Variants in ADAMTS18 observed in about 807,000 individuals in gnomAD.
ADAMTS18 encodes the protein ADAM metallopeptidase with thrombospondin type 1 motif 18, also known as A disintegrin and metalloproteinase with thrombospondin motifs 18.
A neutral mutation model predicts 165.9 loss-of-function variants in ADAMTS18; 157 were observed. The observed-to-expected ratio is 0.95, with a 90% CI of 0.83 to 1.08. The LOEUF is 1.08. ADAMTS18 is among the 50% of genes least tolerant of loss of function. ADAMTS18 has a pLI of 0.00. For missense variants in ADAMTS18, 2,040 were observed against 1,534.0 expected (o/e 1.33, Z -5.51); for synonymous variants, 782 against 578.2 (o/e 1.35, Z -5.06).
intron 9 of ADAMTS18, among the ~76,000 whole-genome samples, chr16:77,354,526 A>T (rs1454931493): frequency 2.0e-5 from 3 of 152,116 alleles, no homozygotes. Flanking sequence ...TTAGCACCTT[A>T]TCTCCACTTA....
chr16:77,365,749 T>A (rs2056784194), intron 4 of ADAMTS18, among the ~76,000 whole-genome samples: 1 of 152,212 alleles, frequency 6.6e-6, no homozygotes, highest in Admixed American at 6.5e-5. Flanking sequence ...AGAAATAGTT[T>A]AGTACTGTAA....
intron 2 of ADAMTS18, among the ~76,000 whole-genome samples, chr16:77,432,706 A>G (rs2057753002): frequency 6.6e-6 from 1 of 152,018 alleles, no homozygotes; most frequent in South Asian, 2.1e-4. Flanking sequence ...CAGTTACTGG[A>G]GGAGGAAAAG....
chr16:77,344,126 T>C (rs2056440012), intron 10 of ADAMTS18, among the ~76,000 whole-genome samples: 2 of 145,090 alleles, frequency 1.4e-5, no homozygotes, highest in African/African-American at 2.5e-5. Flanking sequence ...TATATGTATG[T>C]ATACATACAT....
chr16:77,322,213 C>CT, intron 14 of ADAMTS18, 123 bp downstream of exon 14: 5 of 919,914 alleles, frequency 5.4e-6, no homozygotes, highest in Non-Finnish European at 8.4e-6. Context: ...ACACTTTGCT[C>CT]TTTCGCTCCA....
chr16:77,288,221 G>GGTC (rs780353950), intron 22 of ADAMTS18, among the ~76,000 whole-genome samples: 5 of 152,010 alleles, frequency 3.3e-5, no homozygotes, highest in Non-Finnish European at 7.4e-5. Flanking sequence ...TTTCATAATT[G>GGTC]GTCATTGTCG....
intron 3 of ADAMTS18, among the ~76,000 whole-genome samples, chr16:77,372,424 C>T (rs2056889497): frequency 6.6e-6 from 1 of 152,136 alleles, no homozygotes; most frequent in Non-Finnish European, 1.5e-5. Flanking sequence ...GAATACTATC[C>T]AGCCATTAAG....
chr16:77,416,177 T>G lies in ADAMTS18; in HGVS notation c.495+15118A>C, dbSNP rs1047991947. Among the ~76,000 whole-genome samples the G allele has an allele frequency of 2.0e-5, 3 of 151,962 alleles. No individual in the cohort carries two copies. In the East Asian group the frequency reaches 5.8e-4, roughly 29 times the overall value. ...TTGCATAGGGAACTGAGGGAAGAAA[T>G]AATCAGATGGATACCTGGGGGAAGA... On this transcript the variant is annotated intron_variant, in intron 3 of 22. Coordinates refer to ENST00000282849, the MANE Select transcript of ADAMTS18 (RefSeq NM_199355.4).
At chr16:77,331,746 G>A (rs966724006) in intron 12 of ADAMTS18, among the ~76,000 whole-genome samples, 4 of 152,074 alleles carry the variant, frequency 2.6e-5, no homozygotes, top group African/African-American at 9.7e-5. Context: ...ACCATGTACA[G>A]GACAAATCTC....
chr16:77,290,880 G>A (rs1042955817), intron 21 of ADAMTS18: 1 of 264,454 alleles, frequency 3.8e-6, no homozygotes, highest in African/African-American at 2.2e-5. Flanking sequence ...ACATTGTTCA[G>A]AAACATGATG....
At chr16:77,315,997 C>T (rs944614974) in intron 16 of ADAMTS18, among the ~76,000 whole-genome samples, 1 of 152,150 alleles carries the variant, frequency 6.6e-6, no homozygotes, top group Admixed American at 6.5e-5. Context: ...TAAAACCATC[C>T]TCCAGATGCT....
At chr16:77,311,868 G>A (rs1279524800) in intron 16 of ADAMTS18, among the ~76,000 whole-genome samples, 5 of 152,116 alleles carry the variant, frequency 3.3e-5, no homozygotes, top group African/African-American at 1.2e-4. Flanking sequence ...TCTATTGGTA[G>A]AATGAGTGCA....
At chr16:77,309,514 G>T (rs2055741838) in intron 16 of ADAMTS18, among the ~76,000 whole-genome samples, 1 of 152,180 alleles carries the variant, frequency 6.6e-6, no homozygotes, top group South Asian at 2.1e-4. Flanking sequence ...ATGGATGTCT[G>T]TAATACAGAC....
chr16:77,406,480 CACT>C (rs1489815049), intron 3 of ADAMTS18, among the ~76,000 whole-genome samples: 1 of 151,906 alleles, frequency 6.6e-6, no homozygotes, highest in African/African-American at 2.4e-5. Flanking sequence ...AGGTCCTTGA[CACT>C]ACAATAAACA....
chr16:77,415,598 C>G (rs1308424593), intron 3 of ADAMTS18, among the ~76,000 whole-genome samples: 1 of 151,910 alleles, frequency 6.6e-6, no homozygotes, highest in Non-Finnish European at 1.5e-5. Flanking sequence ...GATGTTCTGA[C>G]TAGTCAGTAT....
intron 3 of ADAMTS18, among the ~76,000 whole-genome samples, chr16:77,403,721 A>C (rs2057359489): frequency 6.6e-6 from 1 of 152,196 alleles, no homozygotes; most frequent in Non-Finnish European, 1.5e-5. Context: ...AGATATGTTG[A>C]ATATTCATAT....
At chr16:77,313,697 T>TA (rs1159990943) in intron 16 of ADAMTS18, among the ~76,000 whole-genome samples, 2 of 152,170 alleles carry the variant, frequency 1.3e-5, no homozygotes, top group South Asian at 2.1e-4. Context: ...TGTTTCCCTA[T>TA]TCAGGTTCAC....
intron 10 of ADAMTS18, among the ~76,000 whole-genome samples, chr16:77,351,482 A>G (rs988112455): frequency 2.0e-5 from 3 of 152,162 alleles, no homozygotes; most frequent in Non-Finnish European, 4.4e-5. Context: ...CCACAAATAC[A>G]TGGTTCTGAA....
chr16:77,314,786 A>ATATATATATATAT (rs1491101675), intron 16 of ADAMTS18, among the ~76,000 whole-genome samples: 23 of 81,766 alleles, frequency 2.8e-4, no homozygotes, highest in Non-Finnish European at 3.6e-4. Context: ...ATATATATAT[A>ATATATATATATAT]AAATATATGT....
At chr16:77,398,368 G>A (rs1294002296) in intron 3 of ADAMTS18, among the ~76,000 whole-genome samples, 1 of 151,888 alleles carries the variant, frequency 6.6e-6, no homozygotes, top group South Asian at 2.1e-4. Flanking sequence ...AAGAGAGAAA[G>A]AGAAAGAGAG....
Sources: gnomAD v4.1 joint callset for allele counts (sites outside exome capture counted in the v4.1 genomes callset) on GRCh38, gnomAD v4.1.1 for gene constraint, MANE v1.5 for transcripts, NCBI Gene and HGNC (gene_info 2026-07-23, HGNC 2026-07-21) for gene names.